Variants in ADAMTS8 observed in about 807,000 individuals in gnomAD.
The protein encoded by ADAMTS8 is A disintegrin and metalloproteinase with thrombospondin motifs 8.
Under a neutral mutation model 64.4 loss-of-function variants are expected in ADAMTS8, and 50 were observed. The observed-to-expected ratio is 0.78, with a 90% CI of 0.62 to 0.98. ADAMTS8 has a LOEUF of 0.98. Ranked by LOEUF, ADAMTS8 falls within the 50% of genes least tolerant of loss-of-function variation. The probability of loss-of-function intolerance (pLI) is 0.00; values close to 1 mark genes in which losing one functional copy is unlikely to be tolerated. For missense variants in ADAMTS8, 1,192 were observed against 1,208.2 expected (o/e 0.99, Z 0.20); for synonymous variants, 556 against 533.6 (o/e 1.04, Z -0.58).
Position 130,414,812 on chromosome 11 carries a change from G to A in ADAMTS8, c.1285C>T (p.Pro429Ser). The A allele has an allele frequency of 6.2e-7, 1 of 1,609,394 alleles. No homozygotes were observed. The highest frequency in any genetic ancestry group is 8.5e-7 in the Non-Finnish European group (1 of 1,177,356). ...GTGGGGAGGGGCAGGGCCGCAGCAG[G>A]GGCATCCAGGAGACAGTCTCCTGGG... is the stretch of plus-strand genomic sequence containing the variant. ...GGHGDCLLDA[P>S]AAALPLPTGL... The change falls in exon 5 of 9, where the codon CCT becomes TCT. Residue 429 changes from proline (P) to serine (S), a missense_variant. Coordinates refer to ENST00000257359, the MANE Select transcript of ADAMTS8 (RefSeq NM_007037.6).
In ADAMTS8 at chr11:130,406,047, C is replaced by T. The variant is rs1313011821; in HGVS notation, c.2181G>A (p.Gln727=). 1 of 1,614,134 alleles carries T rather than the reference C, an allele frequency of 6.2e-7. No homozygotes were observed. Among genetic ancestry groups the T allele is most frequent in the Non-Finnish European group, 8.5e-7 (1 of 1,180,034 alleles). The change falls in exon 9 of 9, where the codon CAG becomes CAA. Residue 727 remains glutamine, a synonymous_variant. Transcript: ENST00000257359. ...DVKQRSHPGV[Q]NDGNYLALKT... Reference sequence around the variant, plus strand: ...TCAGCGCCAGGTAGTTCCCATCGTTCTGCACACCCGGGTGGCTCCGCTGCT... The same window carrying T: ...TCAGCGCCAGGTAGTTCCCATCGTTTTGCACACCCGGGTGGCTCCGCTGCT...
At chr11:130,423,104 T>A (rs1862121176) in intron 1 of ADAMTS8, among the ~76,000 whole-genome samples, 1 of 152,232 alleles carries the variant, frequency 6.6e-6, no homozygotes, top group Non-Finnish European at 1.5e-5. Context: ...GTCTCTGTAC[T>A]AACTGCCACC....
intron 2 of ADAMTS8, among the ~76,000 whole-genome samples, chr11:130,418,682 G>C (rs1026061318): frequency 6.6e-5 from 10 of 152,222 alleles, no homozygotes; most frequent in South Asian, 4.1e-4. Flanking sequence ...GCTGTGGGCA[G>C]ATCTTGAGGG....
chr11:130,408,848 C>T lies in ADAMTS8; in HGVS notation c.1843G>A (p.Ala615Thr). Reference sequence around the variant, plus strand: ...CAGCGGTCCCGGGGGGACACCCCAGCATACTTGGGGACCCACTGCAGGAGA... The same window carrying T: ...CAGCGGTCCCGGGGGGACACCCCAGTATACTTGGGGACCCACTGCAGGAGA... ...GNLLQWVPKY[A>T]GVSPRDRCKL... Residue 615 changes from alanine to threonine, a missense_variant, in exon 7 of 9, where the codon GCT becomes ACT. Coordinates refer to ENST00000257359, the MANE Select transcript of ADAMTS8 (RefSeq NM_007037.6). 1.2e-6 allele frequency: 2 copies of T among 1,613,280 alleles called. No individual in the cohort carries two copies. Among genetic ancestry groups the T allele is most frequent in the Non-Finnish European group, 1.7e-6 (2 of 1,179,706 alleles).
chr11:130,420,054 G>A (rs746534120), intron 1 of ADAMTS8, among the ~76,000 whole-genome samples: 2 of 152,194 alleles, frequency 1.3e-5, no homozygotes, highest in African/African-American at 4.8e-5. Context: ...TGAAGGTCAC[G>A]CAGCTATTGA....
At chr11:130,426,151 AG>A (rs1862164156) in intron 1 of ADAMTS8, among the ~76,000 whole-genome samples, 1 of 152,218 alleles carries the variant, frequency 6.6e-6, no homozygotes, top group Non-Finnish European at 1.5e-5. Flanking sequence ...AAGGGCTTGC[AG>A]GGGTGCGTCC....
Position 130,414,661 on chromosome 11 carries a change from G to T in ADAMTS8, c.1436C>A (p.Thr479Asn), listed in dbSNP as rs1277145054. ...GTGGCACAGGGGCTCAGCCCCATCA[G>T]TGTGGCACCAAAGCTGGGCGCAGAC... ...QDVCAQLWCH[T>N]DGAEPLCHTK... Residue 479 changes from threonine (T) to asparagine (N), a missense_variant, in exon 5 of 9, where the codon ACT (threonine) becomes AAT (asparagine). This residue lies in a region of ADAMTS8 where 741 missense variants were observed against 710.6 expected (regional missense o/e 1.04). Coordinates refer to ENST00000257359, the MANE Select transcript of ADAMTS8 (RefSeq NM_007037.6). 2 of 1,613,734 alleles carry T rather than the reference G, an allele frequency of 1.2e-6. No individual in the cohort carries two copies. The highest frequency in any genetic ancestry group is 2.7e-5 in the African/African-American group (2 of 74,952).
chr11:130,428,017 C>G lies in ADAMTS8; in HGVS notation c.270G>C (p.Ala90=). Residue 90 remains alanine, a synonymous_variant, in exon 1 of 9, where the codon GCG becomes GCC. Transcript: ENST00000257359. ...CGCGCAGCCCCCGCTCGCCCCCGGT[C>G]GCCCGGCCGGAGCCCCCGAGGCGCT... is the stretch of plus-strand genomic sequence containing the variant. ...KIERLGGSGR[A]TGGERGLRGC... The G allele has an allele frequency of 1.3e-6, 2 of 1,525,964 alleles. No individual in the cohort carries two copies. The highest frequency in any genetic ancestry group is 2.4e-5 in the South Asian group (2 of 83,438). 94.5% of individuals were successfully genotyped at this position (1,525,964 alleles called of 1,614,324 possible). A position where few individuals can be genotyped will look rare whatever the true frequency, so the allele number is the denominator to read the frequency against.
intron 1 of ADAMTS8, among the ~76,000 whole-genome samples, chr11:130,424,712 A>G (rs987457152): frequency 6.6e-6 from 1 of 152,044 alleles, no homozygotes; most frequent in Non-Finnish European, 1.5e-5. Context: ...GGGCTCATGG[A>G]TCTGTTTTCG....
At position 130,417,359 on chromosome 11, in the gene ADAMTS8, C is replaced by T. The variant is rs577761161; in HGVS notation, c.961-284G>A. Among the ~76,000 whole-genome samples, 150 of 152,038 alleles carry T rather than the reference C, an allele frequency of 9.9e-4. 1 individual carries two copies. The highest frequency in any genetic ancestry group is 2.9e-3 in the African/African-American group (122 of 41,462). ...GCATCCTCTGCTTATGGGGTTGAGG[C>T]GATTCTCCCACCTCAGCCTCCCAAG... On this transcript the variant is annotated intron_variant, in intron 2 of 8. Transcript: ENST00000257359.
chr11:130,409,149 A>T (rs1370261874), intron 6 of ADAMTS8, among the ~76,000 whole-genome samples: 1 of 152,184 alleles, frequency 6.6e-6, no homozygotes, highest in African/African-American at 2.4e-5. Context: ...CTCCAGCCGC[A>T]TGCTGGGCTT....
At chr11:130,415,603 C>CCTTTT (rs558507879) in intron 4 of ADAMTS8, among the ~76,000 whole-genome samples, 3 of 104,802 alleles carry the variant, frequency 2.9e-5, no homozygotes, top group African/African-American at 3.6e-5. Context: ...GCACCTGGCC[C>CCTTTT]TTTTTTTTTT....
At chr11:130,421,952 G>T (rs1862105128) in intron 1 of ADAMTS8, among the ~76,000 whole-genome samples, 1 of 152,226 alleles carries the variant, frequency 6.6e-6, no homozygotes, top group South Asian at 2.1e-4. Context: ...CCCCTGAGGA[G>T]CAGAGGCATC....
At position 130,428,524 on chromosome 11, in the gene ADAMTS8, C is replaced by G; in HGVS notation, c.-238G>C. Reference sequence around the variant, plus strand: ...CCGAGCCGAGCGCGAGCAGCTGGCCCCGGCCCGCGTGCGCCCGTCCTCCGC... The same window carrying G: ...CCGAGCCGAGCGCGAGCAGCTGGCCGCGGCCCGCGTGCGCCCGTCCTCCGC... On this transcript the variant is annotated 5_prime_UTR_variant, in exon 1 of 9. Coordinates refer to ENST00000257359, the MANE Select transcript of ADAMTS8 (RefSeq NM_007037.6). 1.1e-6 allele frequency: 1 copy of G among 887,410 alleles called. No homozygotes were observed. The highest frequency in any genetic ancestry group is 1.3e-6 in the Non-Finnish European group (1 of 740,876). The allele number at this position is 887,410 out of a possible 1,614,324, so 55.0% of individuals were successfully genotyped here. A position where few individuals can be genotyped will look rare whatever the true frequency, so the allele number is the denominator to read the frequency against.
At chr11:130,415,017 G>A (rs140859396) in intron 4 of ADAMTS8, among the ~76,000 whole-genome samples, 185 bp from the exon 5 acceptor site, 99 of 152,324 alleles carry the variant, frequency 6.5e-4, no homozygotes, top group Non-Finnish European at 1.1e-3. Context: ...AGTTGCAAAC[G>A]CTCTTCAGGA....
chr11:130,425,114 G>A (rs890642929), intron 1 of ADAMTS8, among the ~76,000 whole-genome samples: 5 of 152,152 alleles, frequency 3.3e-5, no homozygotes, highest in Admixed American at 6.5e-5. Flanking sequence ...TGGGGAGCGG[G>A]GCAAGCAGGA....
Position 130,416,790 on chromosome 11 carries a change from G to A in ADAMTS8, c.1096+150C>T, listed in dbSNP as rs1417343845. 1.6e-6 allele frequency: 2 copies of A among 1,261,948 alleles called. No individual in the cohort carries two copies. Among genetic ancestry groups the A allele is most frequent in the South Asian group, 1.4e-5 (1 of 73,662 alleles). 78.2% of individuals were successfully genotyped at this position (1,261,948 alleles called of 1,614,324 possible). A position where few individuals can be genotyped will look rare whatever the true frequency, so the allele number is the denominator to read the frequency against. On this transcript the variant is annotated intron_variant, in intron 3 of 8. Coordinates refer to ENST00000257359, the MANE Select transcript of ADAMTS8 (RefSeq NM_007037.6). The surrounding 1 kb of genome is among the most constrained non-coding windows in gnomAD (Gnocchi z 4.8). ...GTTGTGTTCAGCACTGTCAAGCGCGGTATCTGTTTGTATACAGTCACCCTG... is the reference window on the plus strand; with the variant it reads ...GTTGTGTTCAGCACTGTCAAGCGCGATATCTGTTTGTATACAGTCACCCTG...
At position 130,417,049 on chromosome 11, in the gene ADAMTS8, A is replaced by T; in HGVS notation, c.987T>A (p.Cys329Ter). The T allele has an allele frequency of 6.2e-7, 1 of 1,613,924 alleles. No homozygotes were observed. Residue 329 changes from cysteine to a stop codon, truncating the protein, a stop_gained, in exon 3 of 9, where the codon TGT becomes TGA. Transcript: ENST00000257359. LOFTEE classifies it high-confidence loss of function. The stretch of plus-strand genomic sequence containing the variant: ...CGATGTCTGCCACACCCAGGGTGTC[A>T]CACAGCCCCTCCTGCCCACAGAAGT... ...RQNFCGQEGL[C>*]DTLGVADIGT...
intron 4 of ADAMTS8, among the ~76,000 whole-genome samples, 185 bp downstream of exon 4, chr11:130,415,978 G>A (rs947724650): frequency 3.3e-5 from 5 of 152,184 alleles, no homozygotes; most frequent in African/African-American, 1.2e-4. Context: ...CGCAGAACTC[G>A]GCTGCTGGAA....
Sources: allele counts gnomAD v4.1 joint callset (sites outside exome capture counted in the v4.1 genomes callset), GRCh38; gene constraint gnomAD v4.1.1; regional missense constraint gnomAD v4.1.1; non-coding constraint Gnocchi (gnomAD v3.1); transcripts MANE v1.5; gene names NCBI Gene and HGNC (gene_info 2026-07-23, HGNC 2026-07-21).